The following WDR3 variants were observed in gnomAD, a reference collection of about 807,000 sequenced individuals.
WDR3 encodes WD repeat domain 3, also known as WD repeat-containing protein 3.
A neutral mutation model predicts 123.7 loss-of-function variants in WDR3; 81 were observed. The observed-to-expected ratio is 0.65, with a 90% CI of 0.55 to 0.79. WDR3 has a LOEUF of 0.79. Ranked by LOEUF, WDR3 falls within the 30% of genes least tolerant of loss-of-function variation. WDR3 has a pLI of 0.00. For synonymous variants in WDR3, 390 were observed against 388.8 expected (o/e 1.00, Z -0.04); for missense variants, 1,027 against 1,123.2 (o/e 0.91, Z 1.22).
At chr1:117,943,804 C>CA (rs373392504) in intron 11 of WDR3, among the ~76,000 whole-genome samples, 178 bp downstream of exon 11, 2,242 of 107,938 alleles carry the variant, frequency 0.021, 40 homozygotes, top group South Asian at 0.11. Context: ...AAATGTGGTG[C>CA]AAAAAAAAAA....
intron 1 of WDR3, among the ~76,000 whole-genome samples, chr1:117,930,699 A>G (rs1321515864): frequency 6.6e-6 from 1 of 152,220 alleles, no homozygotes; most frequent in African/African-American, 2.4e-5. Context: ...AAAGTGCTGG[A>G]GAGAAAGGGA....
chr1:117,957,422 T>C (rs1396553370), intron 25 of WDR3, among the ~76,000 whole-genome samples: 1 of 151,814 alleles, frequency 6.6e-6, no homozygotes, highest in African/African-American at 2.4e-5. Flanking sequence ...AGGATCATGA[T>C]GACCCACCTC....
In WDR3 at chr1:117,952,026, G is replaced by A; in HGVS notation, c.1854G>A (p.Trp618Ter). ...CCGCTGATAGGAATGTGAAAATCTG[G>A]GGTTTGGACTTTGGGGACTGCCACA... ...TGSADRNVKI[W>*]GLDFGDCHKS... The change falls in exon 17 of 27, where the codon TGG (tryptophan) becomes TGA (stop). Residue 618 changes from tryptophan (W) to a stop codon, truncating the protein, a stop_gained. Coordinates refer to ENST00000349139, the MANE Select transcript of WDR3 (RefSeq NM_006784.3). LOFTEE classifies it high-confidence loss of function. The A allele has an allele frequency of 6.2e-7, 1 of 1,613,456 alleles. No homozygotes were observed. The highest frequency in any genetic ancestry group is 8.5e-7 in the Non-Finnish European group (1 of 1,179,474).
intron 5 of WDR3, 107 bp from the exon 6 acceptor site, chr1:117,939,370 A>T: frequency 8.5e-7 from 1 of 1,171,746 alleles, no homozygotes; most frequent in Non-Finnish European, 1.2e-6. Flanking sequence ...CTTTGCCTTT[A>T]AATTGCTAGA....
chr1:117,943,522 AATCACT>A lies in WDR3; in HGVS notation c.1227_1232del (p.Thr410_Ile411del). On this transcript the variant is annotated inframe_deletion, in exon 11 of 27. Transcript: ENST00000349139. Reference sequence around the variant, plus strand: ...CTCCTCAGCCTGTCAGGACAAGCAGAATCACTATTGGGGGTCATCGCAGTGATGTGC... The same window carrying A: ...CTCCTCAGCCTGTCAGGACAAGCAGAATTGGGGGTCATCGCAGTGATGTGC... 1 of 1,614,160 alleles carries A rather than the reference AATCACT, an allele frequency of 6.2e-7. No homozygotes were observed. Among genetic ancestry groups the A allele is most frequent in the Non-Finnish European group, 8.5e-7 (1 of 1,180,030 alleles).
At position 117,948,485 on chromosome 1, in the gene WDR3, C is replaced by T. The variant is rs750988201; in HGVS notation, c.1503C>T (p.Ser501=). ...ATGCACATGATGGAGCTTTGTGGTC[C>T]ATGTCCCTCTCTCCAGATCAGGTAA... ...TIDAHDGALW[S]MSLSPDQRGF... The change falls in exon 13 of 27, where the codon TCC becomes TCT. Residue 501 remains serine, a synonymous_variant. Transcript: ENST00000349139. The T allele has an allele frequency of 5.6e-6, 9 of 1,613,652 alleles. No homozygotes were observed. The highest frequency in any genetic ancestry group is 6.8e-6 in the Non-Finnish European group (8 of 1,179,862).
chr1:117,945,299 T>C (rs760577459), intron 11 of WDR3, among the ~76,000 whole-genome samples: 4 of 152,124 alleles, frequency 2.6e-5, no homozygotes, highest in Non-Finnish European at 5.9e-5. Flanking sequence ...CTCTTACTAC[T>C]CTCCTTTTCT....
intron 25 of WDR3, among the ~76,000 whole-genome samples, chr1:117,958,012 G>A (rs1652471721): frequency 6.6e-6 from 1 of 152,178 alleles, no homozygotes; most frequent in Non-Finnish European, 1.5e-5. Flanking sequence ...AAGAATATAT[G>A]CACAAAGGCT....
At chr1:117,953,590 T>A (rs1402490743) in intron 21 of WDR3, 49 bp downstream of exon 21, 1 of 1,581,634 alleles carries the variant, frequency 6.3e-7, no homozygotes, top group Non-Finnish European at 8.6e-7. Context: ...AGATCTCAAC[T>A]TTTTAGTAAA....
chr1:117,940,080 A>C (rs1353538339), intron 6 of WDR3, among the ~76,000 whole-genome samples: 2 of 152,138 alleles, frequency 1.3e-5, no homozygotes, highest in African/African-American at 2.4e-5. Flanking sequence ...TCTTTTCTTT[A>C]TTTAAGGAGA....
Position 117,963,729 on chromosome 1 carries a change from A to G in WDR3, c.*4282A>G, listed in dbSNP as rs759106067. 33 of 1,421,350 alleles carry G rather than the reference A, an allele frequency of 2.3e-5. No homozygotes were observed. Among genetic ancestry groups the G allele is most frequent in the African/African-American group, 1.9e-4 (13 of 69,470 alleles). The allele number at this position is 1,421,350 out of a possible 1,614,324, so 88.0% of individuals were successfully genotyped here. A position where few individuals can be genotyped will look rare whatever the true frequency, so the allele number is the denominator to read the frequency against. On this transcript the variant is annotated 3_prime_UTR_variant, in exon 27 of 27. Transcript: ENST00000349139. ...GGTTTCTGACTATAAGAAGAGGGGA[A>G]GAAACCTGGGGTCTAATACCTCAAA...
rs750158311 is a variant in WDR3 at position 117,943,607 on chromosome 1, T to G, written c.1309T>G (p.Ser437Ala). ...TGCTGTTCTTTCAGCTGCAGCTGAT[T>G]CCATTAAAATATGGAACAGGTTCGT... ...NIAVLSAAADSIKIWNRSTLQ... is the reference protein window; with the variant it reads ...NIAVLSAAADAIKIWNRSTLQ... Residue 437 changes from serine to alanine, a missense_variant, in exon 11 of 27, where the codon TCC becomes GCC. By Grantham distance (99) the Ser-to-Ala change is moderately conservative (BLOSUM62 1). Coordinates refer to ENST00000349139, the MANE Select transcript of WDR3 (RefSeq NM_006784.3). The G allele has an allele frequency of 1.2e-6, 2 of 1,614,114 alleles. No individual in the cohort carries two copies. Among genetic ancestry groups the G allele is most frequent in the Non-Finnish European group, 1.7e-6 (2 of 1,179,962 alleles).
intron 10 of WDR3, among the ~76,000 whole-genome samples, 191 bp downstream of exon 10, chr1:117,942,735 A>T (rs1161035422): frequency 1.3e-5 from 2 of 152,084 alleles, no homozygotes; most frequent in African/African-American, 4.8e-5. Flanking sequence ...TTGGATTATT[A>T]TAGTACCCTT....
At chr1:117,945,942 T>C (rs1401191050) in intron 11 of WDR3, 144 bp from the exon 12 acceptor site, 1 of 450,774 alleles carries the variant, frequency 2.2e-6, no homozygotes, top group Admixed American at 4.3e-5. Flanking sequence ...CCCATGACTA[T>C]AATTGTGTGT....
intron 1 of WDR3, among the ~76,000 whole-genome samples, chr1:117,932,139 C>T (rs1650752857): frequency 6.6e-6 from 1 of 152,180 alleles, no homozygotes; most frequent in South Asian, 2.1e-4. Context: ...CCTTCATTCA[C>T]CTCTTGTCCC....
rs137887712 is a variant in WDR3, at chr1:117,963,916, A to C, written c.*4469A>C. ...GGGGAAAGTCTTTTGGTCGTTTATC[A>C]TAATTGCTGCTTGTTAAAACAGGTA... On this transcript the variant is annotated 3_prime_UTR_variant, in exon 27 of 27. Coordinates refer to ENST00000349139, the MANE Select transcript of WDR3 (RefSeq NM_006784.3). 1.5e-5 allele frequency: 24 copies of C among 1,613,886 alleles called. No individual in the cohort carries two copies. Among genetic ancestry groups the C allele is most frequent in the Non-Finnish European group, 1.9e-5 (22 of 1,179,914 alleles).
intron 15 of WDR3, 86 bp downstream of exon 15, chr1:117,950,216 G>GGCCGGGCGCGGTGGCTC: frequency 2.0e-6 from 3 of 1,508,876 alleles, no homozygotes; most frequent in Admixed American, 1.9e-5. Flanking sequence ...AAGTGGCCTT[G>GGCCGGGCGCGGTGGCTC]ACTGTGCCCA....
Position 117,963,713 on chromosome 1 carries a change from C to A in WDR3, c.*4266C>A. 7.6e-7 allele frequency: 1 copy of A among 1,308,552 alleles called. No homozygotes were observed. Among genetic ancestry groups the A allele is most frequent in the Non-Finnish European group, 1.0e-6 (1 of 954,230 alleles). The allele number at this position is 1,308,552 out of a possible 1,614,324, so 81.1% of individuals were successfully genotyped here. A position where few individuals can be genotyped will look rare whatever the true frequency, so the allele number is the denominator to read the frequency against. ...GGCCAGGTGGCTTATAGGTTTCTGA[C>A]TATAAGAAGAGGGGAAGAAACCTGG... On this transcript the variant is annotated 3_prime_UTR_variant, in exon 27 of 27. Coordinates refer to ENST00000349139, the MANE Select transcript of WDR3 (RefSeq NM_006784.3).
intron 2 of WDR3, chr1:117,933,809 A>T: frequency 2.9e-6 from 1 of 340,970 alleles, no homozygotes; most frequent in South Asian, 2.6e-5. Flanking sequence ...TTCAAGCTCG[A>T]CTTATGCTTA....
Sources: gnomAD v4.1 joint callset for allele counts (sites outside exome capture counted in the v4.1 genomes callset) on GRCh38, gnomAD v4.1.1 for gene constraint, MANE v1.5 for transcripts, NCBI Gene and HGNC (gene_info 2026-07-23, HGNC 2026-07-21) for gene names.